The following SORCS2 variants were observed in gnomAD, a reference collection of about 807,000 sequenced individuals.
SORCS2 encodes VPS10 domain-containing receptor SorCS2.
A neutral mutation model predicts 141.6 loss-of-function variants in SORCS2; 100 were observed. The observed-to-expected ratio is 0.71, with a 90% CI of 0.60 to 0.83. The LOEUF is 0.83. Ranked by LOEUF, SORCS2 falls within the 40% of genes least tolerant of loss-of-function variation. SORCS2 has a pLI of 0.00. For missense variants in SORCS2, 1,646 were observed against 1,560.2 expected (o/e 1.05, Z -0.93); for synonymous variants, 789 against 676.9 (o/e 1.17, Z -2.57).
chr4:7,558,810 C>G (rs1040822136), intron 3 of SORCS2, among the ~76,000 whole-genome samples: 1 of 152,158 alleles, frequency 6.6e-6, no homozygotes, highest in South Asian at 2.1e-4. Context: ...TCCCTGGCCC[C>G]GCCTCACCCT....
intron 8 of SORCS2, among the ~76,000 whole-genome samples, chr4:7,675,165 T>C (rs1723034984): frequency 6.6e-6 from 1 of 152,238 alleles, no homozygotes; most frequent in African/African-American, 2.4e-5. Context: ...GTTTTCCTTT[T>C]TATTCTTTTG....
At chr4:7,359,569 G>A (rs560465664) in intron 1 of SORCS2, among the ~76,000 whole-genome samples, 2 of 152,326 alleles carry the variant, frequency 1.3e-5, no homozygotes, top group East Asian at 3.9e-4. Context: ...TCTGCACCCC[G>A]CATCCAGAGG....
chr4:7,216,239 G>T (rs924823977), intron 1 of SORCS2, among the ~76,000 whole-genome samples: 1 of 152,042 alleles, frequency 6.6e-6, no homozygotes, highest in Admixed American at 6.5e-5. Flanking sequence ...CACCAATTCC[G>T]GACACAAAAG....
At chr4:7,592,585 C>T (rs1441239957) in intron 3 of SORCS2, among the ~76,000 whole-genome samples, 2 of 152,222 alleles carry the variant, frequency 1.3e-5, no homozygotes, top group Non-Finnish European at 2.9e-5. Context: ...GAAAAGTCCA[C>T]ATGCAAATCT....
At chr4:7,305,649 C>G (rs1717768723) in intron 1 of SORCS2, among the ~76,000 whole-genome samples, 1 of 152,194 alleles carries the variant, frequency 6.6e-6, no homozygotes, top group Admixed American at 6.5e-5. Flanking sequence ...ATGGTCACAA[C>G]TGGGGTTCAA....
chr4:7,471,648 G>A (rs1035253049), intron 2 of SORCS2, among the ~76,000 whole-genome samples: 3 of 152,222 alleles, frequency 2.0e-5, no homozygotes, highest in South Asian at 2.1e-4. Context: ...AACCAGGTGC[G>A]TCCCTTGTAC....
chr4:7,488,313 A>G (rs1026823881), intron 2 of SORCS2, among the ~76,000 whole-genome samples: 3 of 152,220 alleles, frequency 2.0e-5, no homozygotes, highest in African/African-American at 7.2e-5. Context: ...GCAGTTGTGC[A>G]GTCTGTGGAG....
chr4:7,230,111 C>A (rs55866131), intron 1 of SORCS2, among the ~76,000 whole-genome samples: 6,477 of 134,086 alleles, frequency 0.048, 137 homozygotes, highest in East Asian at 0.13. Flanking sequence ...TGAAGATGGT[C>A]AAGTCTTCCA....
intron 19 of SORCS2, 78 bp from the exon 20 acceptor site, chr4:7,725,076 G>T: frequency 6.7e-7 from 1 of 1,495,554 alleles, no homozygotes; most frequent in Non-Finnish European, 9.0e-7. Context: ...AGTTGCTGGT[G>T]ACAGTGATCA....
chr4:7,531,668 G>T (rs751401634), intron 3 of SORCS2, 39 bp downstream of exon 3: 1 of 1,573,714 alleles, frequency 6.4e-7, no homozygotes, highest in South Asian at 1.1e-5. Flanking sequence ...TCTGGCTCTC[G>T]CCTTGTGCCG....
At chr4:7,673,314 G>A (rs1171648270) in intron 8 of SORCS2, among the ~76,000 whole-genome samples, 1 of 152,236 alleles carries the variant, frequency 6.6e-6, no homozygotes, top group Non-Finnish European at 1.5e-5. Context: ...TCCCTTCTTA[G>A]GAGTTTATGT....
At chr4:7,392,899 G>T (rs1402529103) in intron 1 of SORCS2, among the ~76,000 whole-genome samples, 1 of 312 alleles carries the variant, frequency 3.2e-3, no homozygotes, top group South Asian at 0.17. Flanking sequence ...CCTCCCAGTC[G>T]GGGGGGGGGG....
chr4:7,572,794 G>A (rs889967287), intron 3 of SORCS2, among the ~76,000 whole-genome samples: 1 of 152,182 alleles, frequency 6.6e-6, no homozygotes, highest in Admixed American at 6.5e-5. Flanking sequence ...CATTTTTAAT[G>A]TTTTTAACAC....
In SORCS2 at chr4:7,488,135, G is replaced by A. The variant is rs1196925209; in HGVS notation, c.549-43395G>A. On this transcript the variant is annotated intron_variant, in intron 2 of 26. Transcript: ENST00000507866. ...AGGCAATCTTGGCAGCCAGGAGTGT[G>A]GTCATCAACTAGTGACCAGTCTGCC... Among the ~76,000 whole-genome samples, 2 of 152,210 alleles carry A rather than the reference G, an allele frequency of 1.3e-5. 1 individual carries two copies. Among genetic ancestry groups the A allele is most frequent in the Admixed American group, 1.3e-4 (2 of 15,288 alleles).
chr4:7,263,050 A>G (rs1227485794), intron 1 of SORCS2, among the ~76,000 whole-genome samples: 4 of 152,206 alleles, frequency 2.6e-5, no homozygotes, highest in African/African-American at 9.7e-5. Flanking sequence ...TGCAGAGGAA[A>G]GAACAGGGGC....
At chr4:7,640,574 G>C (rs1465019219) in intron 4 of SORCS2, among the ~76,000 whole-genome samples, 2 of 107,484 alleles carry the variant, frequency 1.9e-5, no homozygotes, top group Non-Finnish European at 3.9e-5. Flanking sequence ...TTTCTGTAAG[G>C]ACTCGGGCCT....
At chr4:7,401,645 A>G (rs1440634081) in intron 2 of SORCS2, among the ~76,000 whole-genome samples, 3 of 152,116 alleles carry the variant, frequency 2.0e-5, no homozygotes, top group Non-Finnish European at 4.4e-5. Flanking sequence ...TGTTGGGCAG[A>G]GTGGATTTGA....
intron 3 of SORCS2, among the ~76,000 whole-genome samples, chr4:7,591,250 C>T (rs1325451185): frequency 6.6e-6 from 1 of 152,206 alleles, no homozygotes; most frequent in Non-Finnish European, 1.5e-5. Context: ...CTGCTGCTGC[C>T]TCCTCTCTCC....
At chr4:7,485,046 G>A (rs1219627189) in intron 2 of SORCS2, among the ~76,000 whole-genome samples, 14 of 152,314 alleles carry the variant, frequency 9.2e-5, no homozygotes, top group South Asian at 4.1e-4. Flanking sequence ...CTCAGGGGGC[G>A]TTTGTTGAGT....
Sources: gnomAD v4.1 joint callset for allele counts (sites outside exome capture counted in the v4.1 genomes callset) on GRCh38, gnomAD v4.1.1 for gene constraint, MANE v1.5 for transcripts, NCBI Gene and HGNC (gene_info 2026-07-23, HGNC 2026-07-21) for gene names.